CHMP7: variants seen among roughly 807,000 people sequenced by gnomAD.
CHMP7 encodes CHMP family, member 7.
In CHMP7, 15 loss-of-function variants were observed where a neutral mutation model predicts 53.7. The observed-to-expected ratio is 0.28, with a 90% CI of 0.19 to 0.43. The LOEUF (loss-of-function observed/expected upper bound fraction) is 0.43, where lower values mean the gene tolerates loss of function less well. Among genes scored for constraint, CHMP7 ranks in the 20% least tolerant of loss-of-function variants. The pLI is 1.00. For missense variants in CHMP7, 527 were observed against 569.4 expected, an observed-to-expected ratio of 0.93 and a Z score of 0.76; for synonymous variants, 261 against 228.0, an observed-to-expected ratio of 1.14 and a Z score of -1.30.
rs751281075 is a variant in CHMP7 at position 23,258,089 on chromosome 8, C to G, written c.840+8C>G. ...GCAGGAAAGAAGCAGCTGGTGAGTT[C>G]TTGTCTCCTCCAGACCCATAGCAGT... On this transcript the variant is annotated splice_region_variant and intron_variant, in intron 6 of 10. Transcript: ENST00000397677. The G allele has an allele frequency of 6.2e-7, 1 of 1,610,884 alleles. No individual in the cohort carries two copies. Among genetic ancestry groups the G allele is most frequent in the Non-Finnish European group, 8.5e-7 (1 of 1,177,420 alleles).
rs113172915 is a variant in CHMP7 at position 23,250,586 on chromosome 8, C to A, written c.471+1205C>A. On this transcript the variant is annotated intron_variant, in intron 3 of 10. Transcript: ENST00000397677. ...TGCAGACCTGCTTCAACCACCCCCT[C>A]CACCCAGACTGCTGTGGATGAGGTG... Among the ~76,000 whole-genome samples, 858 of 151,348 alleles carry A rather than the reference C, an allele frequency of 5.7e-3. 3 individuals carry two copies. Among genetic ancestry groups the A allele is most frequent in the African/African-American group, 0.02 (811 of 41,354 alleles).
intron 5 of CHMP7, among the ~76,000 whole-genome samples, chr8:23,257,224 G>A (rs1459749528): frequency 1.3e-5 from 2 of 151,560 alleles, no homozygotes; most frequent in Non-Finnish European, 2.9e-5. Flanking sequence ...AGCCTCCTGA[G>A]TAGCTGGGAC....
chr8:23,248,330 T>A (rs1456201669), intron 2 of CHMP7: 3 of 380,434 alleles, frequency 7.9e-6, no homozygotes, highest in Non-Finnish European at 1.6e-5. Flanking sequence ...GGTGCTCCAC[T>A]GAAGCTTCCT....
In CHMP7 at chr8:23,259,249, A is replaced by G. The variant is rs551315601; in HGVS notation, c.1120+123A>G. ...AGTGGCGGGATCTCGGCTCACTGCA[A>G]GCTCCGCCTCCCGGGTTCACGCCAT... On this transcript the variant is annotated intron_variant, in intron 9 of 10. Coordinates refer to ENST00000397677, the MANE Select transcript of CHMP7 (RefSeq NM_152272.5). 172 of 517,416 alleles carry G rather than the reference A, an allele frequency of 3.3e-4. 1 individual carries two copies. In the East Asian group the frequency reaches 4.1e-3, roughly 12 times the overall value. The allele number at this position is 517,416 out of a possible 1,614,324, so 32.1% of individuals were successfully genotyped here.
chr8:23,260,378 A>T, intron 10 of CHMP7, 55 bp downstream of exon 10: 1 of 1,597,608 alleles, frequency 6.3e-7, no homozygotes, highest in South Asian at 1.1e-5. Context: ...TGGCTGACAG[A>T]GTTGATGGGC....
intron 5 of CHMP7, among the ~76,000 whole-genome samples, chr8:23,257,283 A>G (rs1357798801): frequency 6.6e-6 from 1 of 151,618 alleles, no homozygotes; most frequent in Non-Finnish European, 1.5e-5. Flanking sequence ...TTTTGTTGAG[A>G]TGGGGTCTCA....
rs2294125 is a variant in CHMP7, at chr8:23,260,130, T to C, written c.1121-14T>C. 0.43 allele frequency: 688,791 copies of C among 1,607,370 alleles called. 157,041 individuals carry two copies. The highest frequency in any genetic ancestry group is 0.48 in the Middle Eastern group (2,883 of 6,044). ...CTTGAGTTTATGCATCTTTATGTTGTCTTTTCTTTCCAGATTTTGACAGTG... is the reference window on the plus strand; with the variant it reads ...CTTGAGTTTATGCATCTTTATGTTGCCTTTTCTTTCCAGATTTTGACAGTG... On this transcript the variant is annotated splice_polypyrimidine_tract_variant and intron_variant, in intron 9 of 10. Transcript: ENST00000397677.
chr8:23,244,997 T>C (rs916044994), intron 1 of CHMP7, among the ~76,000 whole-genome samples: 1 of 152,262 alleles, frequency 6.6e-6, no homozygotes, highest in Non-Finnish European at 1.5e-5. Flanking sequence ...AATCTTGTTC[T>C]CATTGCCTCT....
In CHMP7 at chr8:23,246,476, G is replaced by T; in HGVS notation, c.-220G>T. Reference sequence around the variant, plus strand: ...GAGGAGGGGTCGGCGCAAGCGCTCGGTGTCTCTCTGAAAAGAACTTCATCA... The same window carrying T: ...GAGGAGGGGTCGGCGCAAGCGCTCGTTGTCTCTCTGAAAAGAACTTCATCA... On this transcript the variant is annotated 5_prime_UTR_variant, in exon 2 of 11. Coordinates refer to ENST00000397677, the MANE Select transcript of CHMP7 (RefSeq NM_152272.5). The T allele has an allele frequency of 3.5e-6, 2 of 564,212 alleles. No homozygotes were observed. The highest frequency in any genetic ancestry group is 6.3e-6 in the Non-Finnish European group (2 of 319,820). 35.0% of individuals were successfully genotyped at this position (564,212 alleles called of 1,614,324 possible).
chr8:23,248,225 C>T (rs1355108253), intron 2 of CHMP7: 6 of 455,930 alleles, frequency 1.3e-5, no homozygotes, highest in Non-Finnish European at 2.2e-5. Context: ...CCAGAATGGG[C>T]CTCCTTACTG....
At position 23,258,064 on chromosome 8, in the gene CHMP7, G is replaced by A. The variant is rs1159668406; in HGVS notation, c.823G>A (p.Ala275Thr). 1.2e-6 allele frequency: 2 copies of A among 1,613,522 alleles called. No individual in the cohort carries two copies. The highest frequency in any genetic ancestry group is 2.2e-5 in the South Asian group (2 of 91,042). Reference protein sequence around the residue: ...CKEEARRACRAGKKQLALRSL... With the variant: ...CKEEARRACRTGKKQLALRSL... ...AGAAGAAGCCCGCCGGGCATGCCGA[G>A]CAGGAAAGAAGCAGCTGGTGAGTTC... The change falls in exon 6 of 11, where the codon GCA becomes ACA. Residue 275 changes from alanine to threonine, a missense_variant. Physicochemically the swap from Ala to Thr is moderately conservative, Grantham distance 58. Transcript: ENST00000397677.
At chr8:23,257,564 C>G (rs1482517573) in intron 5 of CHMP7, among the ~76,000 whole-genome samples, 2 of 152,252 alleles carry the variant, frequency 1.3e-5, no homozygotes, top group African/African-American at 4.8e-5. Context: ...AGAGGTCTTT[C>G]TGAGGGGCTC....
rs1490174478 is a variant in CHMP7 at position 23,246,693 on chromosome 8, C to A, written c.-3C>A. 1.9e-6 allele frequency: 3 copies of A among 1,547,408 alleles called. No individual in the cohort carries two copies. The highest frequency in any genetic ancestry group is 2.6e-6 in the Non-Finnish European group (3 of 1,145,994). On this transcript the variant is annotated 5_prime_UTR_variant, in exon 2 of 11. Coordinates refer to ENST00000397677, the MANE Select transcript of CHMP7 (RefSeq NM_152272.5). ...TCGCAGCCTTGCCGGGGCTGGGGTT[C>A]CGATGTGGTCCCCGGAGCGGGAGGC...
rs772150422 is a variant in CHMP7 at position 23,258,050 on chromosome 8, G to A, written c.809G>A (p.Arg270His). Reference sequence around the variant, plus strand: ...GTTTCCAGGTGTAAAGAAGAAGCCCGCCGGGCATGCCGAGCAGGAAAGAAG... The same window carrying A: ...GTTTCCAGGTGTAAAGAAGAAGCCCACCGGGCATGCCGAGCAGGAAAGAAG... Reference protein sequence around the residue: ...QEAERCKEEARRACRAGKKQL... With the variant: ...QEAERCKEEAHRACRAGKKQL... Residue 270 changes from arginine (R) to histidine (H), a missense_variant, in exon 6 of 11, where the codon CGC becomes CAC. Transcript: ENST00000397677. The A allele has an allele frequency of 5.6e-6, 9 of 1,613,010 alleles. No homozygotes were observed. Among genetic ancestry groups the A allele is most frequent in the South Asian group, 5.5e-5 (5 of 91,028 alleles).
intron 1 of CHMP7, 45 bp downstream of exon 1, chr8:23,243,889 T>G (rs973860066): frequency 6.6e-6 from 1 of 152,364 alleles, no homozygotes; most frequent in Middle Eastern, 3.4e-3. Context: ...TGTTCCCCAA[T>G]GACATATGAT....
chr8:23,257,955 G>C, intron 5 of CHMP7, 78 bp from the exon 6 acceptor site: 1 of 931,320 alleles, frequency 1.1e-6, no homozygotes, highest in Non-Finnish European at 1.7e-6. Context: ...TTAACTGAGT[G>C]CTGCTCTCAG....
At chr8:23,255,990 C>T (rs1260296926) in intron 4 of CHMP7, among the ~76,000 whole-genome samples, 3 of 151,956 alleles carry the variant, frequency 2.0e-5, no homozygotes, top group African/African-American at 7.3e-5. Context: ...GAACTCCTGA[C>T]CTCAAGTGAT....
chr8:23,259,917 A>G, intron 9 of CHMP7: 3 of 496,528 alleles, frequency 6.0e-6, no homozygotes, highest in Non-Finnish European at 1.1e-5. Flanking sequence ...AATCAGGGTC[A>G]GGTCCATGGT....
rs1284795990 is a variant in CHMP7 at position 23,244,371 on chromosome 8, A to T, written c.-441+527A>T. Among the ~76,000 whole-genome samples the T allele has an allele frequency of 2.6e-5, 4 of 152,192 alleles. No individual in the cohort carries two copies. In the East Asian group the frequency reaches 7.7e-4, roughly 29 times the overall value. On this transcript the variant is annotated intron_variant, in intron 1 of 10. Transcript: ENST00000397677. ...TGTTTTTGTTTTTGCATGTAGGTGT[A>T]CAGTTGTTCCAGTGCTCATTGTTGA...
Sources: allele counts gnomAD v4.1 joint callset (sites outside exome capture counted in the v4.1 genomes callset), GRCh38; gene constraint gnomAD v4.1.1; transcripts MANE v1.5; gene names NCBI Gene and HGNC (gene_info 2026-07-23, HGNC 2026-07-21).